UST: variants seen among roughly 807,000 people sequenced by gnomAD.
UST encodes the protein uronyl 2-sulfotransferase, also known as chondroitin sulfate 2-O-sulfotransferase.
In UST, 21 loss-of-function variants were observed where a neutral mutation model predicts 45.6. That is an observed-to-expected ratio of 0.46 (90% CI 0.33 to 0.66). The LOEUF is 0.66. Ranked by LOEUF, UST falls within the 30% of genes least tolerant of loss-of-function variation. UST has a pLI of 0.02. For missense variants in UST, 463 were observed against 512.4 expected (o/e 0.90, Z 0.93); for synonymous variants, 215 against 200.6 (o/e 1.07, Z -0.61).
intron 5 of UST, among the ~76,000 whole-genome samples, chr6:148,995,987 G>A (rs1781446583): frequency 6.6e-6 from 1 of 152,168 alleles, no homozygotes; most frequent in Admixed American, 6.5e-5. Flanking sequence ...AGGGGGTGGG[G>A]GCAGAGTGGG....
At chr6:148,960,736 A>G (rs1582926358) in intron 4 of UST, among the ~76,000 whole-genome samples, 3 of 152,236 alleles carry the variant, frequency 2.0e-5, no homozygotes, top group African/African-American at 7.2e-5. Context: ...AATTTCTTAG[A>G]AGAACAGGAT....
rs546578079 is a variant in UST, at chr6:148,935,294, C to A, written c.292-5985C>A. ...AGGCCCCTTCACTTTTACAAATTGG[C>A]CATAAAATAGAAATCACAGACATAA... On this transcript the variant is annotated intron_variant, in intron 2 of 7. Transcript: ENST00000367463. 1.4e-3 allele frequency among the ~76,000 whole-genome samples: 213 copies of A among 152,206 alleles called. 2 individuals carry two copies. The South Asian group carries it at 0.024, about 17-fold the overall frequency.
intron 2 of UST, among the ~76,000 whole-genome samples, chr6:148,924,815 G>T (rs1350910598): frequency 6.6e-6 from 1 of 152,164 alleles, no homozygotes; most frequent in Non-Finnish European, 1.5e-5. Flanking sequence ...CTCTCAGCCA[G>T]GCTGCATGAA....
intron 1 of UST, among the ~76,000 whole-genome samples, chr6:148,781,569 C>T (rs1776644664): frequency 6.6e-6 from 1 of 151,966 alleles, no homozygotes; most frequent in African/African-American, 2.4e-5. Flanking sequence ...TCTAGGAGAT[C>T]TAGCTAGGAT....
intron 2 of UST, among the ~76,000 whole-genome samples, chr6:148,908,741 A>G (rs1779415919): frequency 6.6e-6 from 1 of 152,206 alleles, no homozygotes; most frequent in Non-Finnish European, 1.5e-5. Flanking sequence ...ATCTAGTTCA[A>G]AACGTGCCAA....
chr6:149,027,143 T>G (rs1776061309), intron 7 of UST, among the ~76,000 whole-genome samples: 1 of 152,198 alleles, frequency 6.6e-6, no homozygotes, highest in Admixed American at 6.5e-5. Context: ...GCTCACTGAT[T>G]TCATTGACGT....
intron 2 of UST, among the ~76,000 whole-genome samples, chr6:148,890,687 A>G (rs1377544498): frequency 1.3e-5 from 2 of 152,178 alleles, no homozygotes; most frequent in Admixed American, 6.5e-5. Context: ...CAATATTTTC[A>G]TAAGAAAAAA....
chr6:149,068,621 A>AT (rs1259316693), intron 7 of UST, among the ~76,000 whole-genome samples: 1 of 152,192 alleles, frequency 6.6e-6, no homozygotes, highest in African/African-American at 2.4e-5. Context: ...ATTGATGTAT[A>AT]ATATTTTACA....
intron 3 of UST, among the ~76,000 whole-genome samples, chr6:148,947,978 GT>G (rs1392519617): frequency 6.6e-6 from 1 of 151,966 alleles, no homozygotes; most frequent in East Asian, 1.9e-4. Context: ...AATAAAATAA[GT>G]TTTTCCTTTC....
At chr6:148,903,019 A>G (rs767402159) in intron 2 of UST, among the ~76,000 whole-genome samples, 8 of 152,112 alleles carry the variant, frequency 5.3e-5, no homozygotes, top group African/African-American at 1.4e-4. Context: ...GCTATTCTGG[A>G]TGGAATATTT....
chr6:148,903,310 G>A (rs144151293), intron 2 of UST, among the ~76,000 whole-genome samples: 29 of 152,230 alleles, frequency 1.9e-4, no homozygotes, highest in Middle Eastern at 3.4e-3. Context: ...TACCTATTTA[G>A]TTGACAATAA....
At chr6:148,773,786 A>AT (rs1309882416) in intron 1 of UST, among the ~76,000 whole-genome samples, 6 of 152,148 alleles carry the variant, frequency 3.9e-5, no homozygotes, top group Admixed American at 3.9e-4. Context: ...TCAGAATAGC[A>AT]TTTTTTTGTA....
chr6:148,964,249 C>T (rs980774149), intron 4 of UST, among the ~76,000 whole-genome samples, 161 bp from the exon 5 acceptor site: 2 of 152,152 alleles, frequency 1.3e-5, no homozygotes, highest in Non-Finnish European at 1.5e-5. Context: ...TAATAAAATG[C>T]TTATCAGGAA....
At position 148,747,626 on chromosome 6, in the gene UST, C is replaced by T; in HGVS notation, c.196C>T (p.Gln66Ter). The change falls in exon 1 of 8, where the codon CAG becomes TAG. Residue 66 changes from glutamine (Q) to a stop codon, truncating the protein, a stop_gained. Coordinates refer to ENST00000367463, the MANE Select transcript of UST (RefSeq NM_005715.3). LOFTEE classifies it high-confidence loss of function. ...CTTCTGCCTGGGCTCCCTCCTCTAT[C>T]AGCTCAGCGGGGGACCCCCTCGCTT... ...LVFCLGSLLY[Q>*]LSGGPPRFLL... 1.2e-6 allele frequency: 2 copies of T among 1,603,150 alleles called. No individual in the cohort carries two copies. Among genetic ancestry groups the T allele is most frequent in the Non-Finnish European group, 1.7e-6 (2 of 1,176,072 alleles).
intron 1 of UST, 49 bp downstream of exon 1, chr6:148,747,726 T>TGCGGCGGGGAGAGGGTC (rs777970002): frequency 6.9e-5 from 104 of 1,513,992 alleles, no homozygotes; most frequent in Middle Eastern, 2.3e-4. Flanking sequence ...CGCAAAGTTG[T>TGCGGCGGGGAGAGGGTC]GCGGCGGGGA....
At chr6:149,002,299 T>C (rs1426762662) in intron 5 of UST, among the ~76,000 whole-genome samples, 2 of 151,978 alleles carry the variant, frequency 1.3e-5, no homozygotes, top group Non-Finnish European at 2.9e-5. Context: ...ATAGCAAATT[T>C]TAAAAAACGC....
chr6:149,045,843 C>T (rs1404917541), intron 7 of UST, among the ~76,000 whole-genome samples: 1 of 152,110 alleles, frequency 6.6e-6, no homozygotes, highest in African/African-American at 2.4e-5. Flanking sequence ...CTCCACAGTG[C>T]CACAATTTTG....
chr6:148,949,238 C>G (rs1013043614), intron 3 of UST, among the ~76,000 whole-genome samples: 1 of 151,246 alleles, frequency 6.6e-6, no homozygotes, highest in Non-Finnish European at 1.5e-5. Context: ...TTGCAGTGAG[C>G]CAAGATTGCG....
At chr6:148,892,436 C>T (rs1177559266) in intron 2 of UST, among the ~76,000 whole-genome samples, 2 of 152,136 alleles carry the variant, frequency 1.3e-5, no homozygotes, top group African/African-American at 2.4e-5. Context: ...TGATGTAATA[C>T]TTTGGGTAAT....
Sources: gnomAD v4.1 joint callset for allele counts (sites outside exome capture counted in the v4.1 genomes callset) on GRCh38, gnomAD v4.1.1 for gene constraint, MANE v1.5 for transcripts, NCBI Gene and HGNC (gene_info 2026-07-23, HGNC 2026-07-21) for gene names.